Variants in RNF125 observed in about 807,000 individuals in gnomAD.
RNF125 encodes ring finger protein 125, also known as E3 ubiquitin-protein ligase RNF125.
RNF125 carries 21 observed loss-of-function variants against 26.0 expected under a neutral mutation model. The observed-to-expected ratio is 0.81, with a 90% CI of 0.57 to 1.16. The LOEUF is 1.16. Ranked by LOEUF, RNF125 falls within the 50% of genes most tolerant of loss-of-function variation. The probability of loss-of-function intolerance (pLI) is 0.00; values close to 1 mark genes in which losing one functional copy is unlikely to be tolerated. For synonymous variants in RNF125, 95 were observed against 109.2 expected (o/e 0.87, Z 0.81); for missense variants, 270 against 299.4 (o/e 0.90, Z 0.72).
At position 32,069,761 on chromosome 18, in the gene RNF125, C is replaced by T. The variant is rs2039516647; in HGVS notation, c.*1377C>T. 1 of 152,114 alleles carries T rather than the reference C, an allele frequency of 6.6e-6. No individual in the cohort carries two copies. The highest frequency in any genetic ancestry group is 1.5e-5 in the Non-Finnish European group (1 of 68,020). The allele number at this position is 152,114 out of a possible 1,614,324, so 9.4% of individuals were successfully genotyped here. A position where few individuals can be genotyped will look rare whatever the true frequency, so the allele number is the denominator to read the frequency against. On this transcript the variant is annotated 3_prime_UTR_variant, in exon 6 of 6. Coordinates refer to ENST00000217740, the MANE Select transcript of RNF125 (RefSeq NM_017831.4). The stretch of plus-strand genomic sequence containing the variant: ...TAAATGTATATTTTATTTTACATCT[C>T]TTTTTTAATCTAGAAGTTCCTCCTT...
chr18:32,075,161 T>G (rs1234749334), downstream of RNF125, among the ~76,000 whole-genome samples: 1 of 152,186 alleles, frequency 6.6e-6, no homozygotes, highest in Non-Finnish European at 1.5e-5. Context: ...AACCTGCCCA[T>G]TTCTCACCAC....
rs1220649941 is a variant in RNF125 at position 32,070,453 on chromosome 18, G to A, written c.*2069G>A. 4 of 152,276 alleles carry A rather than the reference G, an allele frequency of 2.6e-5. No homozygotes were observed. Among genetic ancestry groups the A allele is most frequent in the Non-Finnish European group, 5.9e-5 (4 of 68,092 alleles). 9.4% of individuals were successfully genotyped at this position (152,276 alleles called of 1,614,324 possible). A position where few individuals can be genotyped will look rare whatever the true frequency, so the allele number is the denominator to read the frequency against. On this transcript the variant is annotated 3_prime_UTR_variant, in exon 6 of 6. Transcript: ENST00000217740. Reference sequence around the variant, plus strand: ...TCCAAAGTGCTGGGATTATAGGCGTGAGCCACTGTGCCCGGCCTACAGGGT... The same window carrying A: ...TCCAAAGTGCTGGGATTATAGGCGTAAGCCACTGTGCCCGGCCTACAGGGT...
intron 1 of RNF125, among the ~76,000 whole-genome samples, chr18:32,027,161 G>C (rs1421880424): frequency 6.6e-6 from 1 of 151,658 alleles, no homozygotes; most frequent in Non-Finnish European, 1.5e-5. Context: ...TTCCCTGAAA[G>C]GGAATTGAAT....
rs531751585 is a variant in RNF125 at position 32,050,865 on chromosome 18, CTTTTTTTTTTTTTTTTTTTTTT to C, written c.504+5146_504+5167del. On this transcript the variant is annotated intron_variant, in intron 4 of 5. Coordinates refer to ENST00000217740, the MANE Select transcript of RNF125 (RefSeq NM_017831.4). ...CCAGCTAGTCTCTCGGTCTAGAGTG[CTTTTTTTTTTTTTTTTTTTTTT>C]TTTTTTTTTTTTGAAGAGACGGTGT... Among the ~76,000 whole-genome samples, 25 of 46,342 alleles carry C rather than the reference CTTTTTTTTTTTTTTTTTTTTTT, an allele frequency of 5.4e-4. No individual in the cohort carries two copies. The Admixed American group carries it at 6.9e-3, about 13-fold the overall frequency. The allele number at this position is 46,342 out of a possible 152,430, so 30.4% of individuals were successfully genotyped here.
chr18:32,068,723 C>T lies in RNF125; in HGVS notation c.*339C>T, dbSNP rs1167755185. Reference sequence around the variant, plus strand: ...GTATAATGCTACATATCAATAACTACCATCATGGTTAGGCACGATAACTAA... The same window carrying T: ...GTATAATGCTACATATCAATAACTATCATCATGGTTAGGCACGATAACTAA... On this transcript the variant is annotated 3_prime_UTR_variant, in exon 6 of 6. Transcript: ENST00000217740. The T allele has an allele frequency of 5.5e-6, 1 of 183,082 alleles. No homozygotes were observed. Among genetic ancestry groups the T allele is most frequent in the Non-Finnish European group, 1.1e-5 (1 of 87,854 alleles). 11.3% of individuals were successfully genotyped at this position (183,082 alleles called of 1,614,324 possible). A position where few individuals can be genotyped will look rare whatever the true frequency, so the allele number is the denominator to read the frequency against.
In RNF125 at chr18:32,061,932, C is replaced by T. The variant is rs115981723; in HGVS notation, c.505-3970C>T. 4.7e-3 allele frequency among the ~76,000 whole-genome samples: 719 copies of T among 152,244 alleles called. 6 individuals are homozygous for T. The highest frequency in any genetic ancestry group is 0.017 in the African/African-American group (693 of 41,552). ...CATCAGCGAGAGGCTGAAATGAAAT[C>T]GGAAACTATTTTCTGGGTACTAAGA... On this transcript the variant is annotated intron_variant, in intron 4 of 5. Transcript: ENST00000217740.
chr18:32,090,438 G>A, the RNF125 span, among the ~76,000 whole-genome samples: 1 of 152,160 alleles, frequency 6.6e-6, no homozygotes, highest in Non-Finnish European at 1.5e-5. Context: ...CACTGCGCTT[G>A]CTGCTAAGGA....
At chr18:32,087,067 G>A in the RNF125 span, among the ~76,000 whole-genome samples, 2 of 152,074 alleles carry the variant, frequency 1.3e-5, no homozygotes, top group Non-Finnish European at 2.9e-5. Context: ...ACTGGTAAGA[G>A]GAAACGGCCA....
At chr18:32,026,242 CTT>C (rs1181390375) in intron 1 of RNF125, among the ~76,000 whole-genome samples, 2 of 73,140 alleles carry the variant, frequency 2.7e-5, no homozygotes, top group South Asian at 5.2e-4. Context: ...AGCACCCGGT[CTT>C]TTTTTTTTTT....
chr18:32,028,076 A>G (rs973155326), intron 1 of RNF125, among the ~76,000 whole-genome samples: 2 of 151,898 alleles, frequency 1.3e-5, no homozygotes. Flanking sequence ...AGGCGGGCGG[A>G]TCATGAGGTC....
At chr18:32,047,098 T>G (rs2911636) in intron 4 of RNF125, among the ~76,000 whole-genome samples, 86,582 of 151,870 alleles carry the variant, frequency 0.57, 24,745 homozygotes, top group African/African-American at 0.62. Flanking sequence ...GTGCAGTGGC[T>G]TGATCTTGGC....
chr18:32,045,426 G>A (rs193165837), intron 3 of RNF125, among the ~76,000 whole-genome samples: 1 of 151,414 alleles, frequency 6.6e-6, no homozygotes, highest in African/African-American at 2.4e-5. Flanking sequence ...TGGTGTGGTG[G>A]TGGGGGCTTG....
Position 32,065,918 on chromosome 18 carries a change from G to T in RNF125, c.521G>T (p.Arg174Leu), listed in dbSNP as rs141822083. 7.4e-6 allele frequency: 12 copies of T among 1,612,268 alleles called. No individual in the cohort carries two copies. The African/African-American group carries it at 1.2e-4, about 16-fold the overall frequency. Residue 174 changes from arginine (R) to leucine (L), a missense_variant, in exon 5 of 6, where the codon CGT becomes CTT. By Grantham distance (102) the Arg-to-Leu change is moderately radical. Transcript: ENST00000217740. ...ERRPVFCPLC[R>L]LIPDENPSSF... Reference sequence around the variant, plus strand: ...TGTTTCCAGTTCTGTCCACTTTGCCGTTTAATACCCGATGAGAATCCAAGC... The same window carrying T: ...TGTTTCCAGTTCTGTCCACTTTGCCTTTTAATACCCGATGAGAATCCAAGC...
downstream of RNF125, chr18:32,075,924 C>T (rs1466182590): frequency 5.3e-6 from 8 of 1,509,416 alleles, no homozygotes; most frequent in African/African-American, 2.7e-5. Context: ...TGTGTGTTTT[C>T]GTCTTTGCTT....
intron 4 of RNF125, 39 bp from the exon 5 acceptor site, chr18:32,065,863 T>A: frequency 7.1e-7 from 1 of 1,408,664 alleles, no homozygotes; most frequent in Admixed American, 1.7e-5. Flanking sequence ...ATAACGATTT[T>A]AAATTCTTTC....
chr18:32,085,941 A>C, the RNF125 span, among the ~76,000 whole-genome samples: 1 of 152,140 alleles, frequency 6.6e-6, no homozygotes, highest in Non-Finnish European at 1.5e-5. Flanking sequence ...AACTACAAAT[A>C]ACCAAAGAAC....
At chr18:32,025,737 T>C (rs947738948) in intron 1 of RNF125, among the ~76,000 whole-genome samples, 1 of 149,140 alleles carries the variant, frequency 6.7e-6, no homozygotes, top group Non-Finnish European at 1.5e-5. Flanking sequence ...TTTGTGTTTG[T>C]GTATGCGTGT....
At chr18:32,031,863 A>C (rs964585163) in intron 1 of RNF125, among the ~76,000 whole-genome samples, 1 of 152,170 alleles carries the variant, frequency 6.6e-6, no homozygotes, top group African/African-American at 2.4e-5. Context: ...TTTGGGTCAG[A>C]AAACCCCAGC....
intron 4 of RNF125, among the ~76,000 whole-genome samples, chr18:32,050,262 G>T (rs558889989): frequency 1.3e-5 from 2 of 152,216 alleles, no homozygotes; most frequent in Admixed American, 1.3e-4. Context: ...TTTCTTATAT[G>T]CATCCTTAAG....
Sources: allele counts gnomAD v4.1 joint callset (sites outside exome capture counted in the v4.1 genomes callset), GRCh38; gene constraint gnomAD v4.1.1; transcripts MANE v1.5; gene names NCBI Gene and HGNC (gene_info 2026-07-23, HGNC 2026-07-21).